Variants in SGF29 observed in about 807,000 individuals in gnomAD.
SGF29 encodes the protein SAGA complex associated factor 29.
SGF29 carries 15 observed loss-of-function variants against 38.1 expected under a neutral mutation model. The ratio of observed to expected loss-of-function variants is 0.39; its 90% CI spans 0.26 to 0.61. SGF29 has a LOEUF of 0.61. SGF29 is among the 20% of genes least tolerant of loss of function. SGF29 has a pLI of 0.49. For synonymous variants in SGF29, 151 were observed against 160.8 expected (o/e 0.94, Z 0.46); for missense variants, 184 against 394.6 (o/e 0.47, Z 4.52).
intron 2 of SGF29, among the ~76,000 whole-genome samples, chr16:28,584,602 A>C (rs2075529830): frequency 6.6e-6 from 1 of 152,138 alleles, no homozygotes; most frequent in South Asian, 2.1e-4. Context: ...ATCCTGGCTA[A>C]GACGGTGAAA....
chr16:28,591,550 G>A, intron 9 of SGF29, 40 bp from the exon 10 acceptor site: 1 of 1,443,880 alleles, frequency 6.9e-7, no homozygotes, highest in Non-Finnish European at 9.8e-7. Flanking sequence ...TCCTGGCCTG[G>A]GGGTCTCTGA....
intron 1 of SGF29, among the ~76,000 whole-genome samples, chr16:28,562,264 T>C (rs1177827569): frequency 6.6e-6 from 1 of 152,140 alleles, no homozygotes; most frequent in Non-Finnish European, 1.5e-5. Context: ...CTTTCTTAGA[T>C]AGTTGATCAT....
At chr16:28,564,765 ATATATATG>A (rs2046825327) in intron 1 of SGF29, among the ~76,000 whole-genome samples, 1 of 58,804 alleles carries the variant, frequency 1.7e-5, no homozygotes, top group Admixed American at 2.2e-4. Flanking sequence ...GTATATATGT[ATATATATG>A]TATATATATA....
chr16:28,591,652 C>A lies in SGF29; in HGVS notation c.828C>A (p.Pro276=). The A allele has an allele frequency of 6.2e-7, 1 of 1,614,146 alleles. No individual in the cohort carries two copies. The highest frequency in any genetic ancestry group is 1.1e-5 in the South Asian group (1 of 91,086). The change falls in exon 10 of 10, where the codon CCC becomes CCA. Residue 276 remains proline (P), a synonymous_variant. Coordinates refer to ENST00000317058, the MANE Select transcript of SGF29 (RefSeq NM_138414.3). ...DTSYADGYSP[P]LNVAQRYVVA... ...CCTATGCAGATGGCTATTCCCCTCC[C>A]CTCAATGTGGCTCAGAGATACGTGG... is the stretch of plus-strand genomic sequence containing the variant.
chr16:28,585,846 C>G, intron 4 of SGF29, 126 bp downstream of exon 4: 5 of 864,914 alleles, frequency 5.8e-6, no homozygotes, highest in Non-Finnish European at 7.6e-6. Context: ...CTCCCAGCCT[C>G]TCGCTTGGGT....
chr16:28,591,208 C>A (rs1334115859), intron 9 of SGF29, among the ~76,000 whole-genome samples: 3 of 152,154 alleles, frequency 2.0e-5, no homozygotes, highest in Non-Finnish European at 4.4e-5. Flanking sequence ...GCCCTGGGCT[C>A]CTACCGCCTT....
chr16:28,576,585 A>T (rs2151648769), intron 1 of SGF29, among the ~76,000 whole-genome samples: 1 of 152,252 alleles, frequency 6.6e-6, no homozygotes, highest in Non-Finnish European at 1.5e-5. Flanking sequence ...CTGTAATCCC[A>T]GCTACTTGGG....
intron 1 of SGF29, among the ~76,000 whole-genome samples, chr16:28,564,778 T>TATGTATATATATAC (rs2046826147): frequency 2.0e-5 from 1 of 49,284 alleles, no homozygotes; most frequent in Non-Finnish European, 4.9e-5. Flanking sequence ...TATATGTATA[T>TATGTATATATATAC]ATATATATAC....
At position 28,590,458 on chromosome 16, in the gene SGF29, C is replaced by G; in HGVS notation, c.566+16C>G. On this transcript the variant is annotated intron_variant, in intron 7 of 9. Transcript: ENST00000317058. The surrounding 1 kb of genome is among the most constrained non-coding windows in gnomAD (Gnocchi z 8.2). ...CCACCAACAAGTGAGTGACACCAAC[C>G]CTGGGGCTGCTCTCTGGTCACCGAA... The G allele has an allele frequency of 6.2e-7, 1 of 1,613,922 alleles. No homozygotes were observed. The highest frequency in any genetic ancestry group is 2.2e-5 in the East Asian group (1 of 44,878).
intron 1 of SGF29, among the ~76,000 whole-genome samples, chr16:28,562,953 G>A (rs2046798722): frequency 6.6e-6 from 1 of 151,540 alleles, no homozygotes; most frequent in African/African-American, 2.4e-5. Context: ...CTTTTAAGGG[G>A]CTTGAAGTCT....
At chr16:28,578,630 A>G (rs1277084886) in intron 1 of SGF29, among the ~76,000 whole-genome samples, 1 of 151,406 alleles carries the variant, frequency 6.6e-6, no homozygotes, top group Middle Eastern at 3.4e-3. Context: ...AGTTTACTCC[A>G]TTCATCGTGA....
At chr16:28,588,787 T>G in intron 4 of SGF29, 1 of 354,800 alleles carries the variant, frequency 2.8e-6, no homozygotes, top group Non-Finnish European at 5.5e-6. Context: ...GTCAGGCTGG[T>G]CTTGAACTCC....
chr16:28,580,262 A>C (rs2046917625), intron 1 of SGF29, among the ~76,000 whole-genome samples: 1 of 152,224 alleles, frequency 6.6e-6, no homozygotes, highest in Non-Finnish European at 1.5e-5. Context: ...ATCCAAGGAT[A>C]GCTTGCCACT....
chr16:28,555,490 G>A (rs1011313106), intron 1 of SGF29, among the ~76,000 whole-genome samples: 3 of 152,066 alleles, frequency 2.0e-5, no homozygotes, highest in African/African-American at 7.2e-5. Context: ...AAGAGTTCTA[G>A]AGGTGGAAGA....
intron 4 of SGF29, among the ~76,000 whole-genome samples, chr16:28,587,590 C>T (rs977846430): frequency 3.9e-5 from 6 of 152,210 alleles, no homozygotes; most frequent in Non-Finnish European, 8.8e-5. Flanking sequence ...CTGGTGAGGT[C>T]CATGAGTCAC....
At chr16:28,555,551 G>T (rs2046745152) in intron 1 of SGF29, among the ~76,000 whole-genome samples, 1 of 152,142 alleles carries the variant, frequency 6.6e-6, no homozygotes, top group African/African-American at 2.4e-5. Context: ...TTGTTTGAGG[G>T]TCAACTGTAT....
intron 1 of SGF29, among the ~76,000 whole-genome samples, chr16:28,557,428 C>G (rs769947626): frequency 1.2e-4 from 18 of 152,232 alleles, no homozygotes; most frequent in Non-Finnish European, 2.2e-4. Context: ...TTCCCACATG[C>G]TTTGCCCTGT....
intron 2 of SGF29, among the ~76,000 whole-genome samples, chr16:28,583,228 A>G (rs4788073): frequency 0.32 from 48,948 of 152,136 alleles, 8,717 homozygotes; most frequent in Non-Finnish European, 0.38. Flanking sequence ...CTCATTGCAT[A>G]ACCCATTTAA....
At chr16:28,579,329 C>T (rs1240597402) in intron 1 of SGF29, among the ~76,000 whole-genome samples, 2 of 146,800 alleles carry the variant, frequency 1.4e-5, no homozygotes, top group African/African-American at 2.5e-5. Context: ...GTGATCTCGG[C>T]GCACTGCAAC....
Sources: allele counts gnomAD v4.1 joint callset (sites outside exome capture counted in the v4.1 genomes callset), GRCh38; gene constraint gnomAD v4.1.1; non-coding constraint Gnocchi (gnomAD v3.1); transcripts MANE v1.5; gene names NCBI Gene and HGNC (gene_info 2026-07-23, HGNC 2026-07-21).